The following BCL2 variants were observed in gnomAD, a reference collection of about 807,000 sequenced individuals.
BCL2 encodes the protein apoptosis regulator Bcl-2.
A neutral mutation model predicts 14.2 loss-of-function variants in BCL2; 1 was observed. The ratio of observed to expected loss-of-function variants is 0.07; its 90% CI spans 0.02 to 0.33. BCL2 has a LOEUF of 0.33. Among genes scored for constraint, BCL2 ranks in the 10% least tolerant of loss-of-function variants. BCL2 has a pLI of 0.99. For synonymous variants in BCL2, 151 were observed against 137.2 expected, an observed-to-expected ratio of 1.10 and a Z score of -0.70; for missense variants, 247 against 305.9, an observed-to-expected ratio of 0.81 and a Z score of 1.44.
chr18:63,195,082 A>T (rs933171903), intron 2 of BCL2, among the ~76,000 whole-genome samples: 1 of 152,234 alleles, frequency 6.6e-6, no homozygotes, highest in Non-Finnish European at 1.5e-5. Context: ...ATCACAGTGG[A>T]TGGAAATCGA....
rs1599196187 is a variant in BCL2, at chr18:63,128,305, G to T, written c.*320C>A. The T allele has an allele frequency of 1.1e-5, 3 of 263,642 alleles. No homozygotes were observed. In the East Asian group the frequency reaches 1.7e-4, roughly 15 times the overall value. 16.3% of individuals were successfully genotyped at this position (263,642 alleles called of 1,614,324 possible). A position where few individuals can be genotyped will look rare whatever the true frequency, so the allele number is the denominator to read the frequency against. The stretch of plus-strand genomic sequence containing the variant: ...CATCCAGGTGGAGCCACACGAAGCG[G>T]TGCTTGGCAATTAGTGGTCGGATTT... On this transcript the variant is annotated 3_prime_UTR_variant, in exon 3 of 3. Transcript: ENST00000333681.
intron 2 of BCL2, among the ~76,000 whole-genome samples, chr18:63,176,008 G>A (rs950976938): frequency 6.6e-6 from 1 of 152,200 alleles, no homozygotes; most frequent in Non-Finnish European, 1.5e-5. Flanking sequence ...ATTGTGGATG[G>A]AATTTTCAAG....
At chr18:63,187,568 A>C (rs1176819294) in intron 2 of BCL2, among the ~76,000 whole-genome samples, 2 of 152,218 alleles carry the variant, frequency 1.3e-5, no homozygotes, top group Non-Finnish European at 2.9e-5. Flanking sequence ...CACCCACCCC[A>C]CTTATCCTAA....
intron 2 of BCL2, among the ~76,000 whole-genome samples, chr18:63,205,127 C>T (rs1343352468): frequency 6.6e-6 from 1 of 152,112 alleles, no homozygotes; most frequent in Non-Finnish European, 1.5e-5. Context: ...AAAAATAAGG[C>T]TAATACAAGA....
At chr18:63,245,993 G>A (rs1340111263) in intron 2 of BCL2, among the ~76,000 whole-genome samples, 1 of 152,174 alleles carries the variant, frequency 6.6e-6, no homozygotes, top group Admixed American at 6.5e-5. Context: ...TTTCTAATCT[G>A]TGAAAGGTAT....
At chr18:63,249,091 G>T (rs557457975) in intron 2 of BCL2, among the ~76,000 whole-genome samples, 4 of 152,274 alleles carry the variant, frequency 2.6e-5, no homozygotes, top group Admixed American at 1.3e-4. Flanking sequence ...AAGTCCTGCA[G>T]GAAAGAAACC....
At chr18:63,270,819 T>C (rs565454774) in intron 2 of BCL2, among the ~76,000 whole-genome samples, 5 of 151,122 alleles carry the variant, frequency 3.3e-5, no homozygotes, top group Admixed American at 6.6e-5. Flanking sequence ...AATAAGAACT[T>C]GAAGAATTTT....
chr18:63,227,363 A>C (rs1359399562), intron 2 of BCL2, among the ~76,000 whole-genome samples: 1 of 152,216 alleles, frequency 6.6e-6, no homozygotes, highest in Non-Finnish European at 1.5e-5. Flanking sequence ...GGTGCATGCC[A>C]TGCCTGGCTA....
intron 2 of BCL2, among the ~76,000 whole-genome samples, chr18:63,131,448 C>T (rs1914067898): frequency 1.3e-5 from 2 of 152,186 alleles, no homozygotes; most frequent in African/African-American, 4.8e-5. Flanking sequence ...GATTGTCTGC[C>T]AAGATGCACA....
chr18:63,136,821 G>A (rs1478739335), intron 2 of BCL2, among the ~76,000 whole-genome samples: 1 of 152,230 alleles, frequency 6.6e-6, no homozygotes, highest in African/African-American at 2.4e-5. Flanking sequence ...CATGTCACAG[G>A]TGAAGTACCA....
chr18:63,277,717 G>A (rs1481766626), intron 2 of BCL2, among the ~76,000 whole-genome samples: 1 of 151,846 alleles, frequency 6.6e-6, no homozygotes, highest in African/African-American at 2.4e-5. Flanking sequence ...TATAACCACT[G>A]TTGCAAAATG....
chr18:63,213,783 A>G (rs1390624427), intron 2 of BCL2, among the ~76,000 whole-genome samples: 1 of 151,928 alleles, frequency 6.6e-6, no homozygotes, highest in Non-Finnish European at 1.5e-5. Context: ...GCTTGGTGAG[A>G]CCCTGACCAC....
intron 2 of BCL2, among the ~76,000 whole-genome samples, chr18:63,283,292 T>A (rs1390758721): frequency 6.6e-6 from 1 of 152,236 alleles, no homozygotes; most frequent in African/African-American, 2.4e-5. Context: ...ACATTCCATG[T>A]CACCTCTACG....
chr18:63,233,149 T>G (rs1910732382), intron 2 of BCL2, among the ~76,000 whole-genome samples: 1 of 152,212 alleles, frequency 6.6e-6, no homozygotes, highest in Non-Finnish European at 1.5e-5. Context: ...TCATGAGGGC[T>G]CTACCCTTGT....
chr18:63,305,781 T>A (rs2079745239), intron 2 of BCL2, among the ~76,000 whole-genome samples: 1 of 152,164 alleles, frequency 6.6e-6, no homozygotes, highest in South Asian at 2.1e-4. Flanking sequence ...AAAATATATA[T>A]TTGTATAAGG....
At chr18:63,260,155 G>A (rs1008978154) in intron 2 of BCL2, among the ~76,000 whole-genome samples, 2 of 151,940 alleles carry the variant, frequency 1.3e-5, no homozygotes, top group South Asian at 2.1e-4. Context: ...TGTAGTTTGA[G>A]TTATGATATC....
intron 2 of BCL2, among the ~76,000 whole-genome samples, chr18:63,301,474 TG>T (rs11333396): frequency 0.018 from 2,808 of 152,338 alleles, 29 homozygotes; most frequent in East Asian, 0.03. Context: ...ATGAACTGGT[TG>T]AGAAGGTTGG....
intron 2 of BCL2, among the ~76,000 whole-genome samples, chr18:63,279,688 A>T (rs1912254554): frequency 6.6e-6 from 1 of 152,276 alleles, no homozygotes; most frequent in African/African-American, 2.4e-5. Flanking sequence ...AAACAACAGG[A>T]TGAATAAATA....
At chr18:63,265,251 G>C (rs1222325452) in intron 2 of BCL2, among the ~76,000 whole-genome samples, 2 of 152,058 alleles carry the variant, frequency 1.3e-5, no homozygotes, top group African/African-American at 4.8e-5. Context: ...GAGAAGAAAG[G>C]GCCCTTGTTC....
Sources: gnomAD v4.1 joint callset for allele counts (sites outside exome capture counted in the v4.1 genomes callset) on GRCh38, gnomAD v4.1.1 for gene constraint, MANE v1.5 for transcripts, NCBI Gene and HGNC (gene_info 2026-07-23, HGNC 2026-07-21) for gene names.